The following INVS variants were observed in gnomAD, a reference collection of about 807,000 sequenced individuals.
INVS encodes inversion of embryo turning homolog.
A neutral mutation model predicts 108.8 loss-of-function variants in INVS; 86 were observed. The observed-to-expected ratio is 0.79, with a 90% CI of 0.66 to 0.95. The LOEUF (loss-of-function observed/expected upper bound fraction) is 0.95. INVS is among the 40% of genes least tolerant of loss of function. INVS has a pLI of 0.00. For missense variants in INVS, 1,169 were observed against 1,297.4 expected, an observed-to-expected ratio of 0.90 and a Z score of 1.52; for synonymous variants, 455 against 473.5, an observed-to-expected ratio of 0.96 and a Z score of 0.51.
At chr9:100,134,303 G>A (rs1026772379) in intron 3 of INVS, among the ~76,000 whole-genome samples, 1 of 152,144 alleles carries the variant, frequency 6.6e-6, no homozygotes, top group East Asian at 1.9e-4. Flanking sequence ...GTATTCCATT[G>A]TGTATATCTA....
chr9:100,179,722 T>C (rs1447087240), intron 3 of INVS, among the ~76,000 whole-genome samples: 2 of 152,030 alleles, frequency 1.3e-5, no homozygotes, highest in African/African-American at 4.8e-5. Context: ...CTGTCAATAT[T>C]AGAAAGATCA....
At chr9:100,195,900 G>A (rs1446168151) in intron 3 of INVS, among the ~76,000 whole-genome samples, 1 of 152,176 alleles carries the variant, frequency 6.6e-6, no homozygotes, top group Non-Finnish European at 1.5e-5. Context: ...TTGCAACAGT[G>A]TTAAAAGGAA....
chr9:100,121,576 T>C lies in INVS; in HGVS notation c.107-4807T>C, dbSNP rs985525619. The stretch of plus-strand genomic sequence containing the variant: ...TTTGTAGTGATGTCATTCTTGATAC[T>C]GGGAATTTGTGTCTGCTCTGTTTTT... On this transcript the variant is annotated intron_variant, in intron 2 of 16. Transcript: ENST00000262457. Among the ~76,000 whole-genome samples the C allele has an allele frequency of 2.0e-5, 3 of 152,338 alleles. No individual in the cohort carries two copies. In the East Asian group the frequency reaches 5.8e-4, roughly 29 times the overall value.
chr9:100,204,220 C>G (rs1037086450), intron 3 of INVS, among the ~76,000 whole-genome samples: 1 of 152,140 alleles, frequency 6.6e-6, no homozygotes, highest in Non-Finnish European at 1.5e-5. Flanking sequence ...GTTTAGATAA[C>G]TAGTTAGAGC....
chr9:100,241,942 A>G (rs937352476), intron 6 of INVS, among the ~76,000 whole-genome samples: 1 of 152,100 alleles, frequency 6.6e-6, no homozygotes, highest in African/African-American at 2.4e-5. Context: ...ACAGCTCTTC[A>G]CTTGTGGAGA....
chr9:100,210,866 C>A (rs571183919), intron 3 of INVS, among the ~76,000 whole-genome samples: 19 of 151,748 alleles, frequency 1.3e-4, no homozygotes, highest in Admixed American at 3.3e-4. Flanking sequence ...TCCAAAGTCC[C>A]AGAAATTCTG....
chr9:100,239,476 A>G (rs1831795419), intron 5 of INVS, among the ~76,000 whole-genome samples: 1 of 152,244 alleles, frequency 6.6e-6, no homozygotes, highest in Non-Finnish European at 1.5e-5. Context: ...TTGAATGATA[A>G]CAGAAACAAA....
At chr9:100,265,028 C>T (rs1452996844) in intron 11 of INVS, 100 bp downstream of exon 11, 3 of 767,330 alleles carry the variant, frequency 3.9e-6, no homozygotes, top group African/African-American at 1.7e-5. Context: ...CTGCAACCTT[C>T]GCCTCCTGGG....
At chr9:100,264,732 A>T in intron 10 of INVS, 90 bp from the exon 11 acceptor site, 1 of 879,436 alleles carries the variant, frequency 1.1e-6, no homozygotes, top group Non-Finnish European at 1.9e-6. Flanking sequence ...TGGAAAAATG[A>T]TTGCTTATAT....
At position 100,300,617 on chromosome 9, in the gene INVS, GA is replaced by G; in HGVS notation, c.3143del (p.Asn1048ThrfsTer58). 1 of 1,613,960 alleles carries G rather than the reference GA, an allele frequency of 6.2e-7. No homozygotes were observed. The highest frequency in any genetic ancestry group is 8.5e-7 in the Non-Finnish European group (1 of 1,179,922). ...HLLENSGRSK[N>X]FSYNLQSATQ... ...TCCTTGAGAACAGTGGAAGATCAAA[GA>G]ACTTTTCTTATAACCTGCAATCAGC... On this transcript the variant is annotated frameshift_variant, in exon 17 of 17. Coordinates refer to ENST00000262457, the MANE Select transcript of INVS (RefSeq NM_014425.5). LOFTEE classifies it high-confidence loss of function.
intron 3 of INVS, among the ~76,000 whole-genome samples, chr9:100,135,810 GA>G (rs761848705): frequency 2.0e-5 from 3 of 152,074 alleles, no homozygotes; most frequent in Non-Finnish European, 2.9e-5. Context: ...TATACATATA[GA>G]AACCATAGAA....
Position 100,226,178 on chromosome 9 carries a change from G to A in INVS, c.390G>A (p.Leu130=). 6.2e-7 allele frequency: 1 copy of A among 1,613,996 alleles called. No homozygotes were observed. The highest frequency in any genetic ancestry group is 8.5e-7 in the Non-Finnish European group (1 of 1,179,982). ...CCCGGCACAGGAGCCCTAAGTGTTT[G>A]GCACTTCTGCTGAAGTTTATGGCAC... ...LTTRHRSPKC[L]ALLLKFMAPG... is the part of the protein sequence containing the mutation. Residue 130 remains leucine, a synonymous_variant, in exon 4 of 17, where the codon TTG becomes TTA. Coordinates refer to ENST00000262457, the MANE Select transcript of INVS (RefSeq NM_014425.5).
chr9:100,184,052 A>G (rs1174554079), intron 3 of INVS, among the ~76,000 whole-genome samples: 1 of 152,138 alleles, frequency 6.6e-6, no homozygotes, highest in Non-Finnish European at 1.5e-5. Flanking sequence ...TTAACTCTAA[A>G]TAGACTTTGT....
At chr9:100,286,921 G>A (rs1833463204) in intron 13 of INVS, among the ~76,000 whole-genome samples, 1 of 152,084 alleles carries the variant, frequency 6.6e-6, no homozygotes, top group Non-Finnish European at 1.5e-5. Context: ...TGGTTTACTT[G>A]TCATTTTTTC....
chr9:100,237,969 C>A (rs981799456), intron 5 of INVS, among the ~76,000 whole-genome samples: 1 of 152,122 alleles, frequency 6.6e-6, no homozygotes, highest in Non-Finnish European at 1.5e-5. Flanking sequence ...ACCTCTGCAT[C>A]CTGGGTTCAA....
At chr9:100,271,002 CAAT>C (rs1279909519) in intron 11 of INVS, among the ~76,000 whole-genome samples, 1 of 151,106 alleles carries the variant, frequency 6.6e-6, no homozygotes, top group Admixed American at 6.6e-5. Context: ...AAATATACAA[CAAT>C]ATGACAATAA....
intron 3 of INVS, among the ~76,000 whole-genome samples, chr9:100,174,737 A>G (rs1294248254): frequency 6.6e-6 from 1 of 151,624 alleles, no homozygotes; most frequent in Non-Finnish European, 1.5e-5. Context: ...ACATGGTGAA[A>G]CCCCATCTCT....
At chr9:100,148,420 G>T (rs1202526261) in intron 3 of INVS, among the ~76,000 whole-genome samples, 3 of 152,080 alleles carry the variant, frequency 2.0e-5, no homozygotes, top group Non-Finnish European at 4.4e-5. Flanking sequence ...GCAGCAAAAA[G>T]GTTAATAGAA....
At chr9:100,120,721 A>T (rs1039230926) in intron 2 of INVS, 3 of 152,102 alleles carry the variant, frequency 2.0e-5, no homozygotes, top group African/African-American at 7.2e-5. Flanking sequence ...GTTGGGGTGA[A>T]CCTTCTGGTG....
Sources: gnomAD v4.1 joint callset for allele counts (sites outside exome capture counted in the v4.1 genomes callset) on GRCh38, gnomAD v4.1.1 for gene constraint, MANE v1.5 for transcripts, NCBI Gene and HGNC (gene_info 2026-07-23, HGNC 2026-07-21) for gene names.